Variants in RAI14 observed in about 807,000 individuals in gnomAD.
RAI14 encodes retinoic acid induced 14.
In RAI14, 45 loss-of-function variants were observed where a neutral mutation model predicts 115.4. The ratio of observed to expected loss-of-function variants is 0.39; its 90% confidence interval spans 0.31 to 0.50. RAI14 has a LOEUF of 0.50. Ranked by LOEUF, RAI14 falls within the 20% of genes least tolerant of loss-of-function variation. The pLI is 0.85. For synonymous variants in RAI14, 371 were observed against 415.4 expected (o/e 0.89, Z 1.30); for missense variants, 939 against 1,131.2 (o/e 0.83, Z 2.44).
chr5:34,668,520 C>T (rs1452871693), intron 1 of RAI14, among the ~76,000 whole-genome samples: 1 of 152,138 alleles, frequency 6.6e-6, no homozygotes, highest in Non-Finnish European at 1.5e-5. Context: ...AGGCCCACTT[C>T]AGACCCAGTT....
chr5:34,674,648 G>T (rs1353232006), intron 1 of RAI14, among the ~76,000 whole-genome samples: 17 of 148,864 alleles, frequency 1.1e-4, no homozygotes, highest in Non-Finnish European at 2.2e-4. Context: ...ACAGTGGTGC[G>T]ATCTCACCTG....
intron 2 of RAI14, among the ~76,000 whole-genome samples, chr5:34,708,139 ATTTAATATAC>A (rs1002322015): frequency 6.6e-6 from 1 of 152,080 alleles, no homozygotes; most frequent in Non-Finnish European, 1.5e-5. Context: ...TAAAGATATA[ATTTAATATAC>A]TCTTTAGAAC....
chr5:34,727,360 C>T (rs966743810), intron 2 of RAI14, among the ~76,000 whole-genome samples: 8 of 152,118 alleles, frequency 5.3e-5, no homozygotes, highest in African/African-American at 1.4e-4. Flanking sequence ...AAATTTGCAG[C>T]TTGATGATGC....
chr5:34,664,202 C>A (rs899411777), intron 1 of RAI14, among the ~76,000 whole-genome samples: 3 of 150,770 alleles, frequency 2.0e-5, no homozygotes, highest in Non-Finnish European at 4.4e-5. Context: ...CTTAAATTGA[C>A]ATTTAGGCCA....
chr5:34,810,736 C>CACAGTCACCCAA (rs1295536249), intron 7 of RAI14, among the ~76,000 whole-genome samples: 6 of 152,118 alleles, frequency 3.9e-5, no homozygotes, highest in Non-Finnish European at 8.8e-5. Flanking sequence ...TGTCCTCTCT[C>CACAGTCACCCAA]ACAGTCACCC....
Position 34,830,826 on chromosome 5 carries a change from G to A in RAI14, c.*61G>A. On this transcript the variant is annotated 3_prime_UTR_variant, in exon 18 of 18. Coordinates refer to ENST00000265109, the MANE Select transcript of RAI14 (RefSeq NM_015577.3). Reference sequence around the variant, plus strand: ...CTGTCTTTGTGTTAGATCCAGAGTTGTCGGCAGCCGCTGCCATTGTTCTCA... The same window carrying A: ...CTGTCTTTGTGTTAGATCCAGAGTTATCGGCAGCCGCTGCCATTGTTCTCA... 1 of 1,605,456 alleles carries A rather than the reference G, an allele frequency of 6.2e-7. No homozygotes were observed. Among genetic ancestry groups the A allele is most frequent in the Non-Finnish European group, 8.5e-7 (1 of 1,175,610 alleles).
intron 2 of RAI14, among the ~76,000 whole-genome samples, chr5:34,756,024 C>T (rs1424686135): frequency 2.0e-5 from 3 of 152,180 alleles, no homozygotes; most frequent in African/African-American, 7.2e-5. Context: ...TGTGCACCTG[C>T]ACTCAGTGTT....
At chr5:34,799,537 C>A (rs1315056175) in intron 4 of RAI14, among the ~76,000 whole-genome samples, 807 of 52,924 alleles carry the variant, frequency 0.015, 16 homozygotes, top group African/African-American at 0.041. Context: ...CACACACACA[C>A]ACAAAACCAC....
At chr5:34,674,103 A>G (rs1743807173) in intron 1 of RAI14, among the ~76,000 whole-genome samples, 1 of 152,012 alleles carries the variant, frequency 6.6e-6, no homozygotes, top group Non-Finnish European at 1.5e-5. Flanking sequence ...TCTCTGTTGG[A>G]CTGCAGACAA....
At chr5:34,719,096 G>A (rs1742336635) in intron 2 of RAI14, among the ~76,000 whole-genome samples, 1 of 152,172 alleles carries the variant, frequency 6.6e-6, no homozygotes, top group African/African-American at 2.4e-5. Context: ...GTACAACAGG[G>A]ACAGCTCGTC....
intron 1 of RAI14, among the ~76,000 whole-genome samples, chr5:34,683,101 C>G (rs1271308186): frequency 6.6e-6 from 1 of 152,220 alleles, no homozygotes; most frequent in East Asian, 1.9e-4. Flanking sequence ...CCAGGGGCCA[C>G]ATTACTTTCC....
At chr5:34,774,880 A>G (rs1041122023) in intron 3 of RAI14, among the ~76,000 whole-genome samples, 4 of 152,210 alleles carry the variant, frequency 2.6e-5, no homozygotes, top group African/African-American at 9.6e-5. Flanking sequence ...CTACAGAGCT[A>G]TAGTAACTAA....
At chr5:34,739,832 C>A (rs555936995) in intron 2 of RAI14, among the ~76,000 whole-genome samples, 2 of 152,038 alleles carry the variant, frequency 1.3e-5, no homozygotes, top group Non-Finnish European at 2.9e-5. Flanking sequence ...GAGGCCGAGG[C>A]GGGCGGATCA....
At chr5:34,784,965 C>A (rs927358476) in intron 3 of RAI14, among the ~76,000 whole-genome samples, 14 of 152,164 alleles carry the variant, frequency 9.2e-5, no homozygotes, top group African/African-American at 3.1e-4. Context: ...TTCTGTGGCA[C>A]AATTGTAGTG....
At chr5:34,816,428 A>G (rs993752213) in intron 12 of RAI14, among the ~76,000 whole-genome samples, 1 of 152,184 alleles carries the variant, frequency 6.6e-6, no homozygotes, top group African/African-American at 2.4e-5. Context: ...TCCTGACTAT[A>G]AAAGTAATAT....
At chr5:34,803,816 T>C (rs751368926) in intron 5 of RAI14, 40 bp downstream of exon 5, 1 of 1,557,860 alleles carries the variant, frequency 6.4e-7, no homozygotes, top group South Asian at 1.1e-5. Context: ...TGTGTCGGTT[T>C]TACAATTTGA....
intron 9 of RAI14, 64 bp downstream of exon 9, chr5:34,812,009 A>AATT (rs1755657580): frequency 7.0e-7 from 1 of 1,418,822 alleles, no homozygotes; most frequent in African/African-American, 1.4e-5. Context: ...CCAAAGGATA[A>AATT]AGGAATGTGT....
Position 34,818,859 on chromosome 5 carries a change from A to G in RAI14, c.994+8A>G. 2 of 1,592,698 alleles carry G rather than the reference A, an allele frequency of 1.3e-6. No homozygotes were observed. The highest frequency in any genetic ancestry group is 8.5e-7 in the Non-Finnish European group (1 of 1,170,920). ...TAAGTGACAGTACTACAGGTAAGACAAGGAAGCATCTGTTTTTTTTTTTCC... is the reference window on the plus strand; with the variant it reads ...TAAGTGACAGTACTACAGGTAAGACGAGGAAGCATCTGTTTTTTTTTTTCC... On this transcript the variant is annotated splice_region_variant and intron_variant, in intron 13 of 17. Transcript: ENST00000265109.
intron 3 of RAI14, among the ~76,000 whole-genome samples, chr5:34,776,803 T>TCAAAAAACAAAAACAAAAAA: frequency 6.9e-6 from 1 of 144,874 alleles, no homozygotes; most frequent in Admixed American, 6.9e-5. Flanking sequence ...TGAGACCCTT[T>TCAAAAAACAAAAACAAAAAA]ATTAAAAAAA....
Sources: allele counts gnomAD v4.1 joint callset (sites outside exome capture counted in the v4.1 genomes callset), GRCh38; gene constraint gnomAD v4.1.1; transcripts MANE v1.5; gene names NCBI Gene and HGNC (gene_info 2026-07-23, HGNC 2026-07-21).